The following LRCH1 variants were observed in gnomAD, a reference collection of about 807,000 sequenced individuals.
The protein encoded by LRCH1 is leucine-rich repeat and calponin homology domain-containing protein 1.
In LRCH1, 23 loss-of-function variants were observed where a neutral mutation model predicts 94.9. The observed-to-expected ratio is 0.24, with a 90% CI of 0.17 to 0.34. The LOEUF is 0.34. LRCH1 is among the 10% of genes least tolerant of loss of function. The probability of loss-of-function intolerance (pLI) is 1.00; values close to 1 mark genes in which losing one functional copy is unlikely to be tolerated. For synonymous variants in LRCH1, 364 were observed against 354.9 expected (o/e 1.03, Z -0.29); for missense variants, 790 against 945.9 (o/e 0.84, Z 2.16).
At chr13:46,561,268 G>A (rs1373402742) in intron 1 of LRCH1, among the ~76,000 whole-genome samples, 1 of 152,180 alleles carries the variant, frequency 6.6e-6, no homozygotes, top group Non-Finnish European at 1.5e-5. Flanking sequence ...CAGGTTATTT[G>A]ATTTTGGGAT....
At chr13:46,669,213 C>A in intron 3 of LRCH1, 57 bp downstream of exon 3, 1 of 1,590,990 alleles carries the variant, frequency 6.3e-7, no homozygotes, top group Non-Finnish European at 8.6e-7. Context: ...CATAGCCTCT[C>A]AAGGTATTCA....
In LRCH1 at chr13:46,628,527, C is replaced by T. The variant is rs889446480; in HGVS notation, c.308-21674C>T. On this transcript the variant is annotated intron_variant, in intron 1 of 19. Coordinates refer to ENST00000389797, the MANE Select transcript of LRCH1 (RefSeq NM_001164211.2). ...AAAAAATTAGCTGGGCGTGGTGGCA[C>T]GCACCAGTAGTCCCAGCTACTCAGG... Among the ~76,000 whole-genome samples the T allele has an allele frequency of 9.9e-5, 15 of 151,906 alleles. No homozygotes were observed. The South Asian group carries it at 1.0e-3, about 11-fold the overall frequency.
chr13:46,560,361 G>T (rs1400304613), intron 1 of LRCH1, among the ~76,000 whole-genome samples: 1 of 152,088 alleles, frequency 6.6e-6, no homozygotes, highest in African/African-American at 2.4e-5. Flanking sequence ...AAACCTGTTT[G>T]TGAGGCCACT....
intron 2 of LRCH1, among the ~76,000 whole-genome samples, chr13:46,652,208 C>T (rs2051314607): frequency 6.6e-6 from 1 of 152,102 alleles, no homozygotes; most frequent in African/African-American, 2.4e-5. Context: ...TACTGAGTAG[C>T]TGGGACTACA....
At chr13:46,733,578 CAT>C (rs1343850662) in intron 18 of LRCH1, among the ~76,000 whole-genome samples, 2 of 151,890 alleles carry the variant, frequency 1.3e-5, no homozygotes, top group Non-Finnish European at 2.9e-5. Context: ...CGTGTGTATA[CAT>C]ATATACATAT....
chr13:46,741,724 G>A lies in LRCH1; in HGVS notation c.2168G>A (p.Gly723Glu), dbSNP rs766646748. ...RKTVDTLLAL[G>E]EKAPPPTSAL... ...ACTGTTGACACTCTGCTGGCACTCG[G>A]GGAGAAAGCCCCACCACCAACTTCT... Residue 723 changes from glycine (G) to glutamate (E), a missense_variant, in exon 20 of 20, where the codon GGG becomes GAG. Around this residue, in one of 3 missense-constraint regions of LRCH1, gnomAD observed 460 missense variants for 508.9 expected, o/e 0.90. Transcript: ENST00000389797. 1 of 1,614,208 alleles carries A rather than the reference G, an allele frequency of 6.2e-7. No individual in the cohort carries two copies. The highest frequency in any genetic ancestry group is 8.5e-7 in the Non-Finnish European group (1 of 1,180,042).
chr13:46,631,896 G>A (rs2051022098), intron 1 of LRCH1, among the ~76,000 whole-genome samples: 1 of 152,070 alleles, frequency 6.6e-6, no homozygotes, highest in South Asian at 2.1e-4. Context: ...CCATTAAGTT[G>A]TTATGAGATT....
intron 1 of LRCH1, among the ~76,000 whole-genome samples, chr13:46,573,864 A>ATTT (rs1379306188): frequency 3.8e-4 from 23 of 59,968 alleles, no homozygotes; most frequent in African/African-American, 1.6e-3. Context: ...ATATATATAT[A>ATTT]TATTTTTTTT....
At chr13:46,714,552 A>G (rs77668760) in intron 15 of LRCH1, among the ~76,000 whole-genome samples, 1,785 of 152,318 alleles carry the variant, frequency 0.012, 22 homozygotes, top group African/African-American at 0.04. Flanking sequence ...ATAAAAACAG[A>G]CTGCTTAAAT....
At chr13:46,668,389 A>C (rs1362040924) in intron 2 of LRCH1, among the ~76,000 whole-genome samples, 1 of 152,180 alleles carries the variant, frequency 6.6e-6, no homozygotes, top group Non-Finnish European at 1.5e-5. Flanking sequence ...TTGCCAGAAG[A>C]CCAACTTTCC....
intron 1 of LRCH1, among the ~76,000 whole-genome samples, chr13:46,614,086 A>T (rs746467046): frequency 1.5e-5 from 2 of 134,636 alleles, no homozygotes; most frequent in South Asian, 2.5e-4. Context: ...AAATTAACAC[A>T]CCCATCATTT....
chr13:46,686,351 C>A (rs1870614971), intron 5 of LRCH1, among the ~76,000 whole-genome samples: 1 of 152,128 alleles, frequency 6.6e-6, no homozygotes, highest in Admixed American at 6.5e-5. Flanking sequence ...CCAGCAGGGC[C>A]TGTTTGTCTG....
chr13:46,686,822 C>T (rs1054865226), intron 5 of LRCH1, among the ~76,000 whole-genome samples: 7 of 152,076 alleles, frequency 4.6e-5, no homozygotes, highest in African/African-American at 1.4e-4. Context: ...ATGTGAGAAA[C>T]AATAAATTGT....
intron 1 of LRCH1, among the ~76,000 whole-genome samples, chr13:46,614,480 G>T (rs1323427762): frequency 6.6e-6 from 1 of 152,170 alleles, no homozygotes; most frequent in Non-Finnish European, 1.5e-5. Flanking sequence ...AGAAATGTCA[G>T]ATTCATAAAA....
rs994031730 is a variant in LRCH1 at position 46,744,097 on chromosome 13, C to A, written c.*2249C>A. On this transcript the variant is annotated 3_prime_UTR_variant, in exon 20 of 20. Coordinates refer to ENST00000389797, the MANE Select transcript of LRCH1 (RefSeq NM_001164211.2). Reference sequence around the variant, plus strand: ...CATTGCCAACCCATTAATTTCTAATCAGAATATTAAGCTTCTCTGTGGTTT... The same window carrying A: ...CATTGCCAACCCATTAATTTCTAATAAGAATATTAAGCTTCTCTGTGGTTT... 1.0e-6 allele frequency: 1 copy of A among 985,224 alleles called. No homozygotes were observed. Among genetic ancestry groups the A allele is most frequent in the African/African-American group, 1.7e-5 (1 of 57,206 alleles). The allele number at this position is 985,224 out of a possible 1,614,324, so 61.0% of individuals were successfully genotyped here.
intron 16 of LRCH1, among the ~76,000 whole-genome samples, chr13:46,716,310 G>A (rs895951377): frequency 5.5e-4 from 83 of 152,138 alleles, no homozygotes; most frequent in African/African-American, 1.4e-3. Context: ...GTTCATGTGG[G>A]TATCTTTTAA....
At chr13:46,571,915 G>GGA (rs151008883) in intron 1 of LRCH1, among the ~76,000 whole-genome samples, 22 of 150,792 alleles carry the variant, frequency 1.5e-4, no homozygotes, top group South Asian at 1.0e-3. Context: ...AGGGAGGGAG[G>GGA]GAGAGAGAGA....
chr13:46,664,865 C>T (rs1255299034), intron 2 of LRCH1, among the ~76,000 whole-genome samples: 1 of 152,118 alleles, frequency 6.6e-6, no homozygotes, highest in Non-Finnish European at 1.5e-5. Context: ...TGTGGCAAAT[C>T]ATCTCTATGG....
At chr13:46,562,616 A>G (rs1451600326) in intron 1 of LRCH1, among the ~76,000 whole-genome samples, 1 of 152,106 alleles carries the variant, frequency 6.6e-6, no homozygotes, top group Non-Finnish European at 1.5e-5. Flanking sequence ...TAGTGCTTCC[A>G]TTACTTTTGG....
Sources: gnomAD v4.1 joint callset for allele counts (sites outside exome capture counted in the v4.1 genomes callset) on GRCh38, gnomAD v4.1.1 for gene constraint, gnomAD v4.1.1 regional missense constraint, MANE v1.5 for transcripts, NCBI Gene and HGNC (gene_info 2026-07-23, HGNC 2026-07-21) for gene names.